THRB: variants seen among roughly 807,000 people sequenced by gnomAD.
THRB encodes nuclear receptor subfamily 1 group A member 2.
A neutral mutation model predicts 47.8 loss-of-function variants in THRB; 12 were observed. That is an observed-to-expected ratio of 0.25 (90% CI 0.16 to 0.41). The LOEUF is 0.41. Ranked by LOEUF, THRB falls within the 10% of genes least tolerant of loss-of-function variation. The probability of loss-of-function intolerance (pLI) is 1.00; values close to 1 mark genes in which losing one functional copy is unlikely to be tolerated. For synonymous variants in THRB, 218 were observed against 212.2 expected, an observed-to-expected ratio of 1.03 and a Z score of -0.24; for missense variants, 348 against 589.2, an observed-to-expected ratio of 0.59 and a Z score of 4.24.
chr3:24,205,602 A>C (rs2045236910), intron 4 of THRB, among the ~76,000 whole-genome samples: 1 of 152,228 alleles, frequency 6.6e-6, no homozygotes, highest in Non-Finnish European at 1.5e-5. Flanking sequence ...CTAACGAGCA[A>C]AATAACCAGC....
At chr3:24,347,126 A>G (rs2063068496) in intron 1 of THRB, among the ~76,000 whole-genome samples, 1 of 152,070 alleles carries the variant, frequency 6.6e-6, no homozygotes, top group Non-Finnish European at 1.5e-5. Context: ...GAAATTAAGC[A>G]GTACCCTTCT....
chr3:24,232,113 G>T (rs1208648354), intron 3 of THRB, among the ~76,000 whole-genome samples: 1 of 152,204 alleles, frequency 6.6e-6, no homozygotes, highest in Admixed American at 6.5e-5. Context: ...GCCCTTCAAA[G>T]TCGATGGTCC....
chr3:24,171,159 A>G (rs1414350739), intron 5 of THRB, among the ~76,000 whole-genome samples: 3 of 152,244 alleles, frequency 2.0e-5, no homozygotes, highest in Non-Finnish European at 4.4e-5. Context: ...AAAAATGTAA[A>G]GAAGCATGAG....
intron 9 of THRB, among the ~76,000 whole-genome samples, chr3:24,131,938 T>C (rs989685420): frequency 6.6e-6 from 1 of 152,218 alleles, no homozygotes; most frequent in Non-Finnish European, 1.5e-5. Flanking sequence ...AAACGTGCTC[T>C]CTCAGGTAGG....
At chr3:24,372,412 C>A (rs1350455345) in intron 1 of THRB, among the ~76,000 whole-genome samples, 1 of 152,070 alleles carries the variant, frequency 6.6e-6, no homozygotes, top group East Asian at 1.9e-4. Flanking sequence ...AAACACATAT[C>A]TATCACCATG....
intron 1 of THRB, among the ~76,000 whole-genome samples, chr3:24,396,542 C>T (rs915388000): frequency 6.6e-6 from 1 of 152,084 alleles, no homozygotes; most frequent in Non-Finnish European, 1.5e-5. Flanking sequence ...CAGGGCCACT[C>T]TATAGTAGAG....
At chr3:24,245,791 T>TA (rs1436146285) in intron 3 of THRB, among the ~76,000 whole-genome samples, 1 of 152,176 alleles carries the variant, frequency 6.6e-6, no homozygotes, top group African/African-American at 2.4e-5. Flanking sequence ...CACGTGCCTG[T>TA]AATCCCAGCT....
chr3:24,430,639 G>T (rs886416389), intron 1 of THRB: 1 of 151,918 alleles, frequency 6.6e-6, no homozygotes, highest in African/African-American at 2.4e-5. Context: ...AAGAAAGAAA[G>T]AAAATATAGA....
chr3:24,128,863 CTTTT>C lies in THRB; in HGVS notation c.886-1110_886-1107del, dbSNP rs57890674. ...GCCAAGAGAAGAAGGAAACATAACT[CTTTT>C]TTTTTTTTTTTTTTTTTTTTTTACC... On this transcript the variant is annotated intron_variant, in intron 9 of 10. Transcript: ENST00000646209. 8.4e-4 allele frequency among the ~76,000 whole-genome samples: 73 copies of C among 87,052 alleles called. 1 individual carries two copies. The highest frequency in any genetic ancestry group is 4.8e-3 in the Admixed American group (31 of 6,506). 57.1% of individuals were successfully genotyped at this position (87,052 alleles called of 152,430 possible).
intron 5 of THRB, among the ~76,000 whole-genome samples, chr3:24,158,841 CCTCTCT>C (rs10530553): frequency 0.34 from 50,035 of 147,378 alleles, 8,274 homozygotes; most frequent in South Asian, 0.46. Context: ...GACAGCTCTT[CCTCTCT>C]CTCTCTCTCT....
At chr3:24,154,695 A>C (rs986505123) in intron 5 of THRB, among the ~76,000 whole-genome samples, 2 of 152,168 alleles carry the variant, frequency 1.3e-5, no homozygotes, top group African/African-American at 4.8e-5. Flanking sequence ...TTAAACCACA[A>C]AGTAACTCAA....
intron 1 of THRB, among the ~76,000 whole-genome samples, chr3:24,384,918 T>A (rs2065976433): frequency 6.6e-6 from 1 of 152,106 alleles, no homozygotes; most frequent in South Asian, 2.1e-4. Flanking sequence ...GGCTTATGGC[T>A]CCACAGGTAC....
At chr3:24,234,500 C>G (rs73039615) in intron 3 of THRB, among the ~76,000 whole-genome samples, 8,108 of 152,146 alleles carry the variant, frequency 0.053, 353 homozygotes, top group African/African-American at 0.12. Flanking sequence ...AAAAAACAAG[C>G]CTGGAGGCTG....
chr3:24,284,854 G>A (rs1413118649), intron 3 of THRB, among the ~76,000 whole-genome samples: 2 of 152,134 alleles, frequency 1.3e-5, no homozygotes, highest in Admixed American at 6.5e-5. Context: ...CTGGCCATCA[G>A]AGAAATGCAA....
At chr3:24,457,190 T>G (rs1266046486) in intron 1 of THRB, among the ~76,000 whole-genome samples, 6 of 152,162 alleles carry the variant, frequency 3.9e-5, no homozygotes, top group Admixed American at 6.6e-5. Context: ...TCACCCTAAC[T>G]AAGCCTGTAT....
intron 1 of THRB, among the ~76,000 whole-genome samples, chr3:24,353,778 G>GT (rs1226598050): frequency 6.6e-6 from 1 of 152,020 alleles, no homozygotes; most frequent in African/African-American, 2.4e-5. Flanking sequence ...AAATAGGTTT[G>GT]TTTTTTATCT....
chr3:24,303,300 G>C (rs1162437956), intron 2 of THRB, among the ~76,000 whole-genome samples: 1 of 152,230 alleles, frequency 6.6e-6, no homozygotes, highest in Non-Finnish European at 1.5e-5. Context: ...AGTGAGGTGA[G>C]TGTTTGGGCC....
intron 1 of THRB, among the ~76,000 whole-genome samples, chr3:24,484,318 T>C (rs1696943146): frequency 6.6e-6 from 1 of 152,104 alleles, no homozygotes; most frequent in African/African-American, 2.4e-5. Flanking sequence ...AATCCCAGAG[T>C]TTTAACTCTA....
intron 1 of THRB, among the ~76,000 whole-genome samples, chr3:24,352,538 AG>A (rs1466131403): frequency 1.3e-5 from 2 of 152,208 alleles, no homozygotes; most frequent in Admixed American, 6.6e-5. Flanking sequence ...AGATGTCTAC[AG>A]GAACATTTGT....
Sources: gnomAD v4.1 joint callset for allele counts (sites outside exome capture counted in the v4.1 genomes callset) on GRCh38, gnomAD v4.1.1 for gene constraint, MANE v1.5 for transcripts, NCBI Gene and HGNC (gene_info 2026-07-23, HGNC 2026-07-21) for gene names.